The following IL1RAPL2 variants were observed in gnomAD, a reference collection of about 807,000 sequenced individuals.
The protein encoded by IL1RAPL2 is X-linked interleukin-1 receptor accessory protein-like 2.
In IL1RAPL2, 3 loss-of-function variants were observed where a neutral mutation model predicts 44.1. That is an observed-to-expected ratio of 0.07 (90% CI 0.03 to 0.18). The LOEUF (loss-of-function observed/expected upper bound fraction) is 0.18. IL1RAPL2 is among the 10% of genes least tolerant of loss of function. The probability of loss-of-function intolerance (pLI) is 1.00; values close to 1 mark genes in which losing one functional copy is unlikely to be tolerated. For missense variants in IL1RAPL2, 391 were observed against 496.4 expected, an observed-to-expected ratio of 0.79 and a Z score of 2.02; for synonymous variants, 181 against 178.8, an observed-to-expected ratio of 1.01 and a Z score of -0.10.
intron 5 of IL1RAPL2, among the ~76,000 whole-genome samples, chrX:105,390,305 G>T (rs147166143): frequency 1.8e-5 from 2 of 111,337 alleles, no homozygotes; most frequent in African/African-American, 3.3e-5. Flanking sequence ...TGCCAATCGA[G>T]AATCTCTTTC....
intron 5 of IL1RAPL2, among the ~76,000 whole-genome samples, chrX:105,295,792 G>A (rs1331997927): frequency 3.6e-5 from 4 of 111,411 alleles, no homozygotes; most frequent in African/African-American, 1.3e-4. Context: ...GTATAGCACT[G>A]AATTACTTAA....
chrX:105,515,279 A>C (rs1341740472), intron 6 of IL1RAPL2, among the ~76,000 whole-genome samples: 2 of 111,986 alleles, frequency 1.8e-5, no homozygotes, highest in Non-Finnish European at 3.8e-5. Context: ...CCTTTTGAGA[A>C]TCTAATGGTA....
intron 1 of IL1RAPL2, among the ~76,000 whole-genome samples, chrX:104,580,614 G>A (rs945363869): frequency 9.0e-6 from 1 of 111,494 alleles, no homozygotes; most frequent in Non-Finnish European, 1.9e-5. Context: ...GGCTGCAGAA[G>A]GTATATATAT....
chrX:105,029,700 C>T (rs752426329), intron 2 of IL1RAPL2, among the ~76,000 whole-genome samples: 26 of 109,783 alleles, frequency 2.4e-4, no homozygotes, highest in African/African-American at 6.7e-4. Context: ...TGAATAGTGC[C>T]GCAATAAACA....
At chrX:104,572,797 T>C (rs751568916) in intron 1 of IL1RAPL2, among the ~76,000 whole-genome samples, 1 of 111,032 alleles carries the variant, frequency 9.0e-6, no homozygotes, top group East Asian at 2.8e-4. Flanking sequence ...GAGATATGGT[T>C]TTGTCATGTT....
chrX:105,351,157 A>G (rs1906112716), intron 5 of IL1RAPL2, among the ~76,000 whole-genome samples: 1 of 111,740 alleles, frequency 8.9e-6, no homozygotes, highest in African/African-American at 3.3e-5. Flanking sequence ...AAACAGGAAC[A>G]CTTTTACACT....
chrX:104,771,509 G>A (rs751349893), intron 2 of IL1RAPL2, among the ~76,000 whole-genome samples: 14 of 112,369 alleles, frequency 1.2e-4, no homozygotes, highest in Non-Finnish European at 1.3e-4. Context: ...TGCTTATATT[G>A]TATTAAAAGT....
At chrX:105,153,106 T>C (rs1449118955) in intron 2 of IL1RAPL2, among the ~76,000 whole-genome samples, 2 of 111,834 alleles carry the variant, frequency 1.8e-5, no homozygotes, top group African/African-American at 3.2e-5. Context: ...TTGACGTGTG[T>C]GTGTTAGTTC....
At chrX:104,614,859 C>A (rs895392871) in intron 1 of IL1RAPL2, among the ~76,000 whole-genome samples, 3 of 111,566 alleles carry the variant, frequency 2.7e-5, no homozygotes, top group African/African-American at 9.8e-5. Context: ...TTTCTCTAAT[C>A]CTTTATGGGT....
intron 5 of IL1RAPL2, among the ~76,000 whole-genome samples, chrX:105,337,211 C>T (rs777502652): frequency 1.1e-3 from 121 of 111,769 alleles, no homozygotes; most frequent in Non-Finnish European, 1.8e-3. Flanking sequence ...GACTTGTCCT[C>T]GGAAAGCTTA....
chrX:104,858,491 A>C (rs1362917048), intron 2 of IL1RAPL2, among the ~76,000 whole-genome samples: 2 of 112,036 alleles, frequency 1.8e-5, no homozygotes, highest in Non-Finnish European at 3.8e-5. Flanking sequence ...CTTGTAAACA[A>C]ATTCTAAACA....
intron 2 of IL1RAPL2, among the ~76,000 whole-genome samples, chrX:104,735,895 G>T (rs947965671): frequency 9.0e-6 from 1 of 111,391 alleles, no homozygotes; most frequent in Admixed American, 9.5e-5. Context: ...TGTGCTCTCT[G>T]CACTAAGTCA....
At chrX:104,780,618 A>T (rs1932765801) in intron 2 of IL1RAPL2, among the ~76,000 whole-genome samples, 1 of 111,747 alleles carries the variant, frequency 8.9e-6, no homozygotes, top group Non-Finnish European at 1.9e-5. Context: ...CTCTATTTCT[A>T]TAGAGCATTG....
At chrX:105,335,587 G>A (rs1051568627) in intron 5 of IL1RAPL2, among the ~76,000 whole-genome samples, 1 of 111,353 alleles carries the variant, frequency 9.0e-6, no homozygotes, top group African/African-American at 3.3e-5. Flanking sequence ...TTAAATTAAT[G>A]TCTGGGGTAT....
At chrX:105,057,776 A>AT (rs759740430) in intron 2 of IL1RAPL2, among the ~76,000 whole-genome samples, 4,003 of 107,974 alleles carry the variant, frequency 0.037, 222 homozygotes, top group African/African-American at 0.13. Context: ...TTATTTATTT[A>AT]TTTTTTTTTA....
chrX:104,758,812 C>A (rs1485557613), intron 2 of IL1RAPL2, among the ~76,000 whole-genome samples: 1 of 111,446 alleles, frequency 9.0e-6, no homozygotes, highest in Non-Finnish European at 1.9e-5. Flanking sequence ...TTACTTTTTC[C>A]TTTTCTTCCT....
chrX:104,767,128 T>A (rs1932571189), intron 2 of IL1RAPL2, among the ~76,000 whole-genome samples: 1 of 111,986 alleles, frequency 8.9e-6, no homozygotes, highest in African/African-American at 3.2e-5. Context: ...TTTCAGGAAA[T>A]TAGAACCAGT....
chrX:105,156,491 G>A (rs779527560), intron 2 of IL1RAPL2, among the ~76,000 whole-genome samples: 272 of 112,104 alleles, frequency 2.4e-3, no homozygotes, highest in African/African-American at 8.3e-3. Context: ...TCCTGGCTGT[G>A]GTATAAGCTC....
intron 5 of IL1RAPL2, among the ~76,000 whole-genome samples, chrX:105,275,880 T>A (rs2034482055): frequency 9.0e-6 from 1 of 111,461 alleles, no homozygotes; most frequent in South Asian, 3.8e-4. Flanking sequence ...TTACTCTGTT[T>A]GCTGTCCCTT....
Sources: gnomAD v4.1 joint callset for allele counts (sites outside exome capture counted in the v4.1 genomes callset) on GRCh38, gnomAD v4.1.1 for gene constraint, MANE v1.5 for transcripts, NCBI Gene and HGNC (gene_info 2026-07-23, HGNC 2026-07-21) for gene names.